Variants in PLXNA4 observed in about 807,000 individuals in gnomAD.
PLXNA4 encodes the protein plexin-A4.
PLXNA4 carries 44 observed loss-of-function variants against 191.8 expected under a neutral mutation model. The observed-to-expected ratio is 0.23, with a 90% CI of 0.18 to 0.29. The LOEUF (loss-of-function observed/expected upper bound fraction) is 0.29. Ranked by LOEUF, PLXNA4 falls within the 10% of genes least tolerant of loss-of-function variation. The probability of loss-of-function intolerance (pLI) is 1.00; values close to 1 mark genes in which losing one functional copy is unlikely to be tolerated. For missense variants in PLXNA4, 1,800 were observed against 2,488.8 expected (o/e 0.72, Z 5.89); for synonymous variants, 1,082 against 1,009.5 (o/e 1.07, Z -1.36).
At chr7:132,613,518 G>C (rs1048096743) in intron 2 of PLXNA4, among the ~76,000 whole-genome samples, 2 of 152,196 alleles carry the variant, frequency 1.3e-5, no homozygotes, top group African/African-American at 4.8e-5. Context: ...ACCAGCACCT[G>C]GCACAGGAAA....
intron 9 of PLXNA4, among the ~76,000 whole-genome samples, chr7:132,212,596 C>G (rs577660672): frequency 4.5e-4 from 69 of 152,284 alleles, no homozygotes; most frequent in Non-Finnish European, 7.8e-4. Flanking sequence ...ATCATGATTC[C>G]ATGATTTGGA....
chr7:132,506,822 C>T (rs1402646275), intron 2 of PLXNA4, among the ~76,000 whole-genome samples: 3 of 152,220 alleles, frequency 2.0e-5, no homozygotes, highest in South Asian at 2.1e-4. Context: ...CCGGCTGCTT[C>T]CTGACTTTCT....
chr7:132,260,349 T>A (rs1407399759), intron 4 of PLXNA4, among the ~76,000 whole-genome samples: 1 of 152,166 alleles, frequency 6.6e-6, no homozygotes, highest in Admixed American at 6.5e-5. Flanking sequence ...AGATCATGCT[T>A]TTTACAGCCA....
chr7:132,406,919 G>A (rs951819997), intron 3 of PLXNA4, among the ~76,000 whole-genome samples: 1 of 152,176 alleles, frequency 6.6e-6, no homozygotes, highest in South Asian at 2.1e-4. Flanking sequence ...TGTTCATTTT[G>A]AGGGGAAAAC....
At chr7:132,269,053 A>T (rs1375404733) in intron 4 of PLXNA4, among the ~76,000 whole-genome samples, 4 of 152,164 alleles carry the variant, frequency 2.6e-5, no homozygotes. Context: ...GAATGTGTCC[A>T]CATGACACTG....
chr7:132,419,950 A>AG (rs1338018160), intron 3 of PLXNA4, among the ~76,000 whole-genome samples: 1 of 152,142 alleles, frequency 6.6e-6, no homozygotes, highest in Non-Finnish European at 1.5e-5. Flanking sequence ...CGGAAAAAAA[A>AG]TCCTTAGCTT....
At chr7:132,544,521 C>T (rs1800212347) in intron 1 of PLXNA4, among the ~76,000 whole-genome samples, 1 of 152,116 alleles carries the variant, frequency 6.6e-6, no homozygotes. Flanking sequence ...AAGGAGCACA[C>T]AGAAATAGAC....
chr7:132,467,502 C>G (rs1796754658), intron 3 of PLXNA4, among the ~76,000 whole-genome samples: 1 of 152,144 alleles, frequency 6.6e-6, no homozygotes, highest in South Asian at 2.1e-4. Flanking sequence ...ATGGTACTCA[C>G]CAAAAACTTC....
chr7:132,169,666 G>A (rs553707259), intron 21 of PLXNA4, among the ~76,000 whole-genome samples: 113 of 152,222 alleles, frequency 7.4e-4, no homozygotes, highest in African/African-American at 2.6e-3. Context: ...TGGTTGTAGA[G>A]AAATGACTGC....
chr7:132,496,464 C>G (rs1001767472), intron 2 of PLXNA4, among the ~76,000 whole-genome samples: 2 of 152,086 alleles, frequency 1.3e-5, no homozygotes, highest in Admixed American at 6.6e-5. Flanking sequence ...TGCAGTGGCA[C>G]AATCTTGGCT....
At chr7:132,343,256 G>T (rs1426512921) in intron 3 of PLXNA4, among the ~76,000 whole-genome samples, 1 of 152,088 alleles carries the variant, frequency 6.6e-6, no homozygotes, top group African/African-American at 2.4e-5. Context: ...ACATAAAATT[G>T]ACCATCTTAA....
intron 3 of PLXNA4, among the ~76,000 whole-genome samples, chr7:132,353,046 C>T (rs1285791646): frequency 1.3e-5 from 2 of 152,210 alleles, no homozygotes; most frequent in African/African-American, 2.4e-5. Flanking sequence ...CGCCTGCTCC[C>T]ACTTGCCAAG....
intron 3 of PLXNA4, among the ~76,000 whole-genome samples, chr7:132,353,559 T>C (rs1803576100): frequency 6.6e-6 from 1 of 152,136 alleles, no homozygotes; most frequent in Admixed American, 6.5e-5. Context: ...TATCTCACCT[T>C]GAAATATCTG....
In PLXNA4 at chr7:132,361,287, G is replaced by C. The variant is rs140082147; in HGVS notation, c.1372-63065C>G. On this transcript the variant is annotated intron_variant, in intron 3 of 31. Coordinates refer to ENST00000321063, the MANE Select transcript of PLXNA4 (RefSeq NM_020911.2). ...TCTTCAAAGGCCCCTGCAGGCCCAC[G>C]ATGCCTTGTGTGTGCACTCACTGCT... Among the ~76,000 whole-genome samples the C allele has an allele frequency of 4.7e-3, 723 of 152,256 alleles. 3 individuals carry two copies. Among genetic ancestry groups the C allele is most frequent in the Admixed American group, 7.6e-3 (117 of 15,300 alleles).
chr7:132,277,396 C>T (rs546345769), intron 4 of PLXNA4, among the ~76,000 whole-genome samples: 45 of 152,204 alleles, frequency 3.0e-4, no homozygotes, highest in Non-Finnish European at 2.6e-4. Flanking sequence ...CATGCAGGTC[C>T]TGTGAGGGCT....
intron 3 of PLXNA4, among the ~76,000 whole-genome samples, chr7:132,319,971 G>C (rs1802099915): frequency 6.6e-6 from 1 of 152,216 alleles, no homozygotes; most frequent in African/African-American, 2.4e-5. Flanking sequence ...TCAGACACCT[G>C]AGTTGGACTG....
At chr7:132,206,941 G>A (rs772862806) in intron 10 of PLXNA4, among the ~76,000 whole-genome samples, 11 of 152,282 alleles carry the variant, frequency 7.2e-5, no homozygotes, top group Non-Finnish European at 1.2e-4. Context: ...TCAAGGTCTG[G>A]CACACCATGC....
chr7:132,611,086 A>G (rs1277470887), intron 2 of PLXNA4, among the ~76,000 whole-genome samples: 1 of 152,186 alleles, frequency 6.6e-6, no homozygotes, highest in African/African-American at 2.4e-5. Flanking sequence ...CCCGGCCAGC[A>G]GCCAAGTGAA....
intron 3 of PLXNA4, chr7:132,484,786 T>G (rs1213726937): frequency 1.2e-6 from 2 of 1,613,006 alleles, no homozygotes; most frequent in East Asian, 4.5e-5. Flanking sequence ...TTATTTTTAG[T>G]TAAAGTGGAT....
Sources: allele counts gnomAD v4.1 joint callset (sites outside exome capture counted in the v4.1 genomes callset), GRCh38; gene constraint gnomAD v4.1.1; transcripts MANE v1.5; gene names NCBI Gene and HGNC (gene_info 2026-07-23, HGNC 2026-07-21).